Variants in CSMD3 observed in about 807,000 individuals in gnomAD.
The protein encoded by CSMD3 is CUB and Sushi multiple domains 3, also known as CUB and sushi domain-containing protein 3.
In CSMD3, 177 loss-of-function variants were observed where a neutral mutation model predicts 435.2. That is an observed-to-expected ratio of 0.41 (90% CI 0.36 to 0.46). The LOEUF (loss-of-function observed/expected upper bound fraction) is 0.46, where lower values mean the gene tolerates loss of function less well. CSMD3 is among the 20% of genes least tolerant of loss of function. CSMD3 has a pLI of 0.34. For synonymous variants in CSMD3, 1,656 were observed against 1,520.5 expected, an observed-to-expected ratio of 1.09 and a Z score of -2.07; for missense variants, 4,265 against 4,504.6, an observed-to-expected ratio of 0.95 and a Z score of 1.52.
At chr8:113,130,776 T>C (rs1242474203) in intron 4 of CSMD3, among the ~76,000 whole-genome samples, 1 of 152,116 alleles carries the variant, frequency 6.6e-6, no homozygotes, top group East Asian at 1.9e-4. Context: ...AGTTTGGAAC[T>C]TCCTATAGAC....
rs899206264 is a variant in CSMD3 at position 113,185,783 on chromosome 8, G to T, written c.515-11867C>A. On this transcript the variant is annotated intron_variant, in intron 3 of 70. Transcript: ENST00000297405. Reference sequence around the variant, plus strand: ...TGCATGTGCACGCGTGCGTGTATATGTGTGTTGTAACAGCACTCGGGGCAT... The same window carrying T: ...TGCATGTGCACGCGTGCGTGTATATTTGTGTTGTAACAGCACTCGGGGCAT... Among the ~76,000 whole-genome samples, 4 of 152,018 alleles carry T rather than the reference G, an allele frequency of 2.6e-5. No individual in the cohort carries two copies. The East Asian group carries it at 7.8e-4, about 30-fold the overall frequency.
chr8:112,301,214 G>T (rs1446224927), intron 53 of CSMD3, among the ~76,000 whole-genome samples: 1 of 151,888 alleles, frequency 6.6e-6, no homozygotes, highest in African/African-American at 2.4e-5. Context: ...AATAAAAGAG[G>T]CAGGGTAAGA....
At chr8:113,365,649 G>A (rs994084428) in intron 1 of CSMD3, among the ~76,000 whole-genome samples, 4 of 151,962 alleles carry the variant, frequency 2.6e-5, no homozygotes, top group South Asian at 2.1e-4. Flanking sequence ...AGTATCATAC[G>A]ATGATGTTAC....
chr8:113,307,604 G>A (rs1299071740), intron 2 of CSMD3, among the ~76,000 whole-genome samples: 9 of 152,038 alleles, frequency 5.9e-5, no homozygotes. Flanking sequence ...CAGATTGGAA[G>A]AAAATAATTG....
chr8:113,287,907 CTTA>C (rs1446101400), intron 2 of CSMD3, among the ~76,000 whole-genome samples: 1 of 151,802 alleles, frequency 6.6e-6, no homozygotes, highest in Non-Finnish European at 1.5e-5. Context: ...ACCTAGAATT[CTTA>C]TTATTAAAAG....
intron 20 of CSMD3, among the ~76,000 whole-genome samples, chr8:112,640,192 A>G (rs1229852512): frequency 1.3e-5 from 2 of 152,258 alleles, no homozygotes; most frequent in African/African-American, 4.8e-5. Flanking sequence ...GACTTCACAC[A>G]AACACACACA....
intron 38 of CSMD3, among the ~76,000 whole-genome samples, chr8:112,370,023 G>GGAAGAGGAAGAAGAAGAAGAAGAA (rs1554658405): frequency 1.1e-4 from 7 of 66,596 alleles, no homozygotes; most frequent in African/African-American, 4.5e-4. Flanking sequence ...AAGAAGAAGA[G>GGAAGAGGAAGAAGAAGAAGAAGAA]GAAGAAGAAG....
In CSMD3 at chr8:112,281,319, G is replaced by T. The variant is rs2130580917; in HGVS notation, c.9363C>A (p.Ala3121=). 1 of 1,613,276 alleles carries T rather than the reference G, an allele frequency of 6.2e-7. No individual in the cohort carries two copies. The highest frequency in any genetic ancestry group is 1.1e-5 in the South Asian group (1 of 91,064). ...CATCAATTCGGAAGACTTTCCCATT[G>T]GCTGTGGTTCCTGGGTTACCACACT... ...AVQCGNPGTT[A]NGKVFRIDGT... Residue 3121 remains alanine (A), a synonymous_variant, in exon 59 of 71, where the codon GCC becomes GCA. Coordinates refer to ENST00000297405, the MANE Select transcript of CSMD3 (RefSeq NM_198123.2).
At chr8:113,010,740 A>G (rs911347504) in intron 6 of CSMD3, among the ~76,000 whole-genome samples, 4 of 151,710 alleles carry the variant, frequency 2.6e-5, no homozygotes, top group Non-Finnish European at 5.9e-5. Flanking sequence ...ATTTACATGT[A>G]TTGAACACTG....
intron 59 of CSMD3, among the ~76,000 whole-genome samples, chr8:112,278,808 T>C (rs1021718764): frequency 1.3e-5 from 2 of 152,134 alleles, no homozygotes; most frequent in Non-Finnish European, 2.9e-5. Context: ...AGAACACCCA[T>C]ATCATCTCAT....
intron 12 of CSMD3, among the ~76,000 whole-genome samples, chr8:112,818,739 C>A (rs2079448281): frequency 6.6e-6 from 1 of 152,124 alleles, no homozygotes; most frequent in South Asian, 2.1e-4. Context: ...AATGTGCCTG[C>A]CTGGCTGAAA....
chr8:112,569,400 G>T (rs1355971282), intron 24 of CSMD3, among the ~76,000 whole-genome samples: 1 of 152,092 alleles, frequency 6.6e-6, no homozygotes, highest in African/African-American at 2.4e-5. Context: ...CCATGGTAAG[G>T]TTTTCCATTA....
intron 1 of CSMD3, among the ~76,000 whole-genome samples, chr8:113,336,661 T>C (rs1009187771): frequency 6.6e-6 from 1 of 152,098 alleles, no homozygotes; most frequent in Non-Finnish European, 1.5e-5. Context: ...TGGCCTCCAT[T>C]AACAACCCAG....
At chr8:112,298,759 G>T (rs776219686) in intron 53 of CSMD3, among the ~76,000 whole-genome samples, 2 of 151,918 alleles carry the variant, frequency 1.3e-5, no homozygotes, top group Non-Finnish European at 2.9e-5. Flanking sequence ...AATATCATAG[G>T]ATACCTTTAT....
intron 31 of CSMD3, among the ~76,000 whole-genome samples, chr8:112,473,638 C>A (rs1160702016): frequency 6.6e-6 from 1 of 150,852 alleles, no homozygotes; most frequent in Non-Finnish European, 1.5e-5. Flanking sequence ...TTAATAAATG[C>A]AAAAGAAGTC....
At chr8:112,453,003 C>T (rs1181074512) in intron 32 of CSMD3, among the ~76,000 whole-genome samples, 1 of 152,148 alleles carries the variant, frequency 6.6e-6, no homozygotes, top group East Asian at 1.9e-4. Flanking sequence ...GTGTACTGTG[C>T]TCAATGCTTT....
At chr8:112,318,551 C>T (rs1822691313) in intron 47 of CSMD3, among the ~76,000 whole-genome samples, 1 of 151,970 alleles carries the variant, frequency 6.6e-6, no homozygotes, top group South Asian at 2.1e-4. Context: ...CCCTTTCTCT[C>T]CACCTCCATT....
chr8:113,356,042 C>G (rs1048704434), intron 1 of CSMD3, among the ~76,000 whole-genome samples: 14 of 151,508 alleles, frequency 9.2e-5, no homozygotes, highest in Non-Finnish European at 1.9e-4. Flanking sequence ...ATAACATTAT[C>G]TAATACATTT....
intron 12 of CSMD3, among the ~76,000 whole-genome samples, chr8:112,816,206 A>G (rs2079371238): frequency 6.6e-6 from 1 of 152,130 alleles, no homozygotes; most frequent in Admixed American, 6.6e-5. Flanking sequence ...TTAACACCTA[A>G]CAATAGTAAC....
Sources: allele counts gnomAD v4.1 joint callset (sites outside exome capture counted in the v4.1 genomes callset), GRCh38; gene constraint gnomAD v4.1.1; transcripts MANE v1.5; gene names NCBI Gene and HGNC (gene_info 2026-07-23, HGNC 2026-07-21).